The following PTPRD variants were observed in gnomAD, a reference collection of about 807,000 sequenced individuals.
The protein encoded by PTPRD is protein tyrosine phosphatase receptor type D, also known as receptor-type tyrosine-protein phosphatase delta.
PTPRD carries 34 observed loss-of-function variants against 214.5 expected under a neutral mutation model. That is an observed-to-expected ratio of 0.16 (90% CI 0.12 to 0.21). PTPRD has a LOEUF of 0.21. Ranked by LOEUF, PTPRD falls within the 10% of genes least tolerant of loss-of-function variation. The probability of loss-of-function intolerance (pLI) is 1.00; values close to 1 mark genes in which losing one functional copy is unlikely to be tolerated. For synonymous variants in PTPRD, 1,128 were observed against 845.7 expected (o/e 1.33, Z -5.79); for missense variants, 2,545 against 2,398.7 (o/e 1.06, Z -1.27).
Position 9,296,709 on chromosome 9 carries a change from C to T in PTPRD, c.-203+100740G>A, listed in dbSNP as rs141656049. ...GGACTGGAGCTTTTCAAATGTGGCT[C>T]TGATTGCTTTTGACATTTTAAATAA... On this transcript the variant is annotated intron_variant, in intron 9 of 45. Transcript: ENST00000381196. Among the ~76,000 whole-genome samples the T allele has an allele frequency of 2.6e-5, 4 of 151,818 alleles. No individual in the cohort carries two copies. The East Asian group carries it at 7.8e-4, about 30-fold the overall frequency.
intron 3 of PTPRD, among the ~76,000 whole-genome samples, chr9:10,338,771 C>G (rs2096888062): frequency 6.6e-6 from 1 of 151,314 alleles, no homozygotes; most frequent in Non-Finnish European, 1.5e-5. Flanking sequence ...GAGAGATAGC[C>G]CATGTTTGGA....
intron 3 of PTPRD, among the ~76,000 whole-genome samples, chr9:10,297,740 T>C (rs894793371): frequency 1.3e-5 from 2 of 152,136 alleles, no homozygotes; most frequent in African/African-American, 4.8e-5. Context: ...AGTAAAACTA[T>C]GAGTTTCAAC....
chr9:9,858,428 G>T (rs1182474132), intron 5 of PTPRD, among the ~76,000 whole-genome samples: 1 of 152,146 alleles, frequency 6.6e-6, no homozygotes, highest in Non-Finnish European at 1.5e-5. Flanking sequence ...GACTGTTCTA[G>T]TTAAACAAAT....
chr9:9,586,398 A>G (rs1317893614), intron 7 of PTPRD, among the ~76,000 whole-genome samples: 1 of 152,048 alleles, frequency 6.6e-6, no homozygotes, highest in Non-Finnish European at 1.5e-5. Flanking sequence ...TTATGTAGTC[A>G]TAAGTACGCA....
At chr9:9,160,313 A>G (rs2099885513) in intron 10 of PTPRD, among the ~76,000 whole-genome samples, 2 of 152,176 alleles carry the variant, frequency 1.3e-5, no homozygotes, top group Admixed American at 1.3e-4. Flanking sequence ...AAAAATATAT[A>G]AGGAACTCAA....
chr9:9,509,184 A>AT (rs1297381957), intron 8 of PTPRD, among the ~76,000 whole-genome samples: 2 of 151,606 alleles, frequency 1.3e-5, no homozygotes, highest in South Asian at 4.2e-4. Context: ...GCTGGGTTGT[A>AT]TTTTTTTCCT....
intron 2 of PTPRD, among the ~76,000 whole-genome samples, chr9:10,603,821 C>T (rs1399337507): frequency 6.6e-6 from 1 of 151,704 alleles, no homozygotes; most frequent in Admixed American, 6.6e-5. Flanking sequence ...ACCTTGAAAC[C>T]ATCTCTGATT....
chr9:9,480,958 G>T (rs567012134), intron 8 of PTPRD, among the ~76,000 whole-genome samples: 35 of 152,136 alleles, frequency 2.3e-4, no homozygotes, highest in African/African-American at 7.5e-4. Flanking sequence ...GGGTCAACTT[G>T]GATAAGTTAT....
chr9:9,983,148 T>G (rs2095601716), intron 4 of PTPRD, among the ~76,000 whole-genome samples: 1 of 152,082 alleles, frequency 6.6e-6, no homozygotes, highest in African/African-American at 2.4e-5. Context: ...GTACCGATGC[T>G]AGACTTTGAT....
At chr9:9,040,086 T>G (rs10816037) in intron 10 of PTPRD, among the ~76,000 whole-genome samples, 23,066 of 152,128 alleles carry the variant, frequency 0.15, 2,257 homozygotes, top group East Asian at 0.43. Context: ...GGATCTACTC[T>G]GTGCTAGGCT....
intron 8 of PTPRD, among the ~76,000 whole-genome samples, chr9:9,481,046 A>C (rs916926510): frequency 6.6e-6 from 1 of 152,106 alleles, no homozygotes; most frequent in Non-Finnish European, 1.5e-5. Context: ...TTAAAGGCAA[A>C]TAAATTGGAA....
At chr9:10,306,425 A>G (rs2096071194) in intron 3 of PTPRD, among the ~76,000 whole-genome samples, 1 of 152,100 alleles carries the variant, frequency 6.6e-6, no homozygotes, top group Admixed American at 6.6e-5. Context: ...AAGTATAATA[A>G]TAATAACAAT....
chr9:9,718,687 C>A (rs1043087828), intron 7 of PTPRD, among the ~76,000 whole-genome samples: 7 of 152,226 alleles, frequency 4.6e-5, no homozygotes, highest in Non-Finnish European at 1.0e-4. Context: ...AATAGCTAAG[C>A]CCAGGTGCTG....
At chr9:8,514,468 G>A (rs151242148) in intron 21 of PTPRD, among the ~76,000 whole-genome samples, 23 of 151,160 alleles carry the variant, frequency 1.5e-4, no homozygotes, top group Admixed American at 4.0e-4. Context: ...TTTACTGCTT[G>A]AGTGTAACGA....
At chr9:9,442,940 CAT>C (rs939873462) in intron 8 of PTPRD, among the ~76,000 whole-genome samples, 8 of 152,076 alleles carry the variant, frequency 5.3e-5, no homozygotes, top group East Asian at 1.9e-4. Flanking sequence ...TGTATGTTTA[CAT>C]ATGTTTATCC....
At chr9:9,153,034 G>T (rs1215058616) in intron 10 of PTPRD, among the ~76,000 whole-genome samples, 1 of 152,120 alleles carries the variant, frequency 6.6e-6, no homozygotes. Flanking sequence ...TGTGCTGCTT[G>T]ACTATTGGCC....
At chr9:10,023,313 T>C (rs984942034) in intron 4 of PTPRD, among the ~76,000 whole-genome samples, 7 of 152,156 alleles carry the variant, frequency 4.6e-5, no homozygotes, top group African/African-American at 1.7e-4. Context: ...AGGGCTTCCA[T>C]TGGGAAAGGA....
chr9:10,567,242 C>G (rs1174542890), intron 2 of PTPRD, among the ~76,000 whole-genome samples: 1 of 152,040 alleles, frequency 6.6e-6, no homozygotes, highest in East Asian at 1.9e-4. Flanking sequence ...CCAGACTTCA[C>G]TAAATCTTAA....
At chr9:10,256,562 T>G (rs1409672084) in intron 3 of PTPRD, among the ~76,000 whole-genome samples, 1 of 152,158 alleles carries the variant, frequency 6.6e-6, no homozygotes, top group Non-Finnish European at 1.5e-5. Context: ...TAACTGTAAT[T>G]TTGTCAAGTG....
Sources: gnomAD v4.1 joint callset for allele counts (sites outside exome capture counted in the v4.1 genomes callset) on GRCh38, gnomAD v4.1.1 for gene constraint, MANE v1.5 for transcripts, NCBI Gene and HGNC (gene_info 2026-07-23, HGNC 2026-07-21) for gene names.